Variants in IQSEC1 observed in about 807,000 individuals in gnomAD.
The protein encoded by IQSEC1 is IQ motif and Sec7 domain ArfGEF 1.
A neutral mutation model predicts 91.0 loss-of-function variants in IQSEC1; 31 were observed. The ratio of observed to expected loss-of-function variants is 0.34; its 90% CI spans 0.26 to 0.46. IQSEC1 has a LOEUF of 0.46. Ranked by LOEUF, IQSEC1 falls within the 20% of genes least tolerant of loss-of-function variation. IQSEC1 has a pLI of 1.00. For synonymous variants in IQSEC1, 699 were observed against 662.6 expected (o/e 1.05, Z -0.84); for missense variants, 1,388 against 1,575.6 (o/e 0.88, Z 2.02).
intron 1 of IQSEC1, among the ~76,000 whole-genome samples, chr3:13,247,898 A>G (rs1695134330): frequency 1.3e-5 from 2 of 152,274 alleles, no homozygotes; most frequent in South Asian, 4.1e-4. Context: ...AGACGCACTT[A>G]CTGGGCCTGT....
intron 2 of IQSEC1, among the ~76,000 whole-genome samples, chr3:13,109,922 G>T (rs112431052): frequency 7.2e-6 from 1 of 139,058 alleles, no homozygotes; most frequent in Non-Finnish European, 1.5e-5. Context: ...TCTAGCTGTC[G>T]CTCAGGCTTG....
At chr3:12,973,643 C>A (rs762701800) in intron 1 of IQSEC1, among the ~76,000 whole-genome samples, 1 of 152,186 alleles carries the variant, frequency 6.6e-6, no homozygotes, top group Admixed American at 6.5e-5. Flanking sequence ...CAGCCTTACC[C>A]CATTTACCCT....
At chr3:13,004,706 G>T (rs1702561209) in intron 1 of IQSEC1, among the ~76,000 whole-genome samples, 1 of 152,192 alleles carries the variant, frequency 6.6e-6, no homozygotes, top group Admixed American at 6.5e-5. Context: ...TAGGTGGGAG[G>T]GAGGGTGGCT....
rs372582821 is a variant in IQSEC1 at position 13,209,331 on chromosome 3, C to T, written c.273-45198G>A. Among the ~76,000 whole-genome samples the T allele has an allele frequency of 1.1e-4, 16 of 152,350 alleles. No homozygotes were observed. In the South Asian group the frequency reaches 1.7e-3, roughly 16 times the overall value. On this transcript the variant is annotated intron_variant, in intron 1 of 15. Coordinates refer to the IQSEC1 transcript ENST00000648114. ...CATCTCTCTCCCTCCCTCTCCAATACGGTAAATTAGCATAGATTAAATGTG... is the reference window on the plus strand; with the variant it reads ...CATCTCTCTCCCTCCCTCTCCAATATGGTAAATTAGCATAGATTAAATGTG...
Position 13,128,876 on chromosome 3 carries a change from CAAA to C in IQSEC1, c.302+35225_302+35227del, listed in dbSNP as rs34011478. Among the ~76,000 whole-genome samples, 14 of 87,466 alleles carry C rather than the reference CAAA, an allele frequency of 1.6e-4. 1 individual carries two copies. The highest frequency in any genetic ancestry group is 1.2e-3 in the Admixed American group (9 of 7,770). The allele number at this position is 87,466 out of a possible 152,430, so 57.4% of individuals were successfully genotyped here. On this transcript the variant is annotated intron_variant, in intron 2 of 15. Transcript: ENST00000648114. The stretch of plus-strand genomic sequence containing the variant: ...CGGGTGACAGAGCAAGACTCTGTCT[CAAA>C]AAAAAAAAAAAAAAAAAAGAAATGT...
At chr3:13,090,415 G>T (rs1705839692) in intron 2 of IQSEC1, among the ~76,000 whole-genome samples, 2 of 152,194 alleles carry the variant, frequency 1.3e-5, no homozygotes, top group Non-Finnish European at 2.9e-5. Context: ...TGAGTGAGTG[G>T]ATGTATGAAT....
intron 2 of IQSEC1, among the ~76,000 whole-genome samples, chr3:13,082,340 C>G (rs1293485704): frequency 6.6e-6 from 1 of 152,232 alleles, no homozygotes; most frequent in Non-Finnish European, 1.5e-5. Flanking sequence ...CTCTTTTTAT[C>G]CCCGACAAAG....
rs931887491 is a variant in IQSEC1 at position 12,924,825 on chromosome 3, G to A, written c.1569-83C>T. ...TGGAGGGGATCTCCGCTCAGTGGAC[G>A]GTCGACATTCTCCCTCCCTGCCCAC... On this transcript the variant is annotated intron_variant, in intron 3 of 13. Coordinates refer to ENST00000613206, the MANE Select transcript of IQSEC1 (RefSeq NM_001134382.3). This position sits in a 1 kb window ranked among gnomAD's most constrained non-coding sequence, Gnocchi z 6.3. 16 of 1,329,726 alleles carry A rather than the reference G, an allele frequency of 1.2e-5. No individual in the cohort carries two copies. The highest frequency in any genetic ancestry group is 5.8e-5 in the South Asian group (4 of 68,608). 82.4% of individuals were successfully genotyped at this position (1,329,726 alleles called of 1,614,324 possible). A position where few individuals can be genotyped will look rare whatever the true frequency, so the allele number is the denominator to read the frequency against.
At chr3:13,127,256 T>TA (rs1489620615) in intron 2 of IQSEC1, among the ~76,000 whole-genome samples, 6 of 151,834 alleles carry the variant, frequency 4.0e-5, no homozygotes, top group Non-Finnish European at 7.4e-5. Flanking sequence ...CTACTAAAAA[T>TA]AAAAAAAATT....
rs954931768 is a variant in IQSEC1, at chr3:13,103,698, G to T, written c.303-56176C>A. On this transcript the variant is annotated intron_variant, in intron 2 of 15. Coordinates refer to the IQSEC1 transcript ENST00000648114. This position sits in a 1 kb window ranked among gnomAD's most constrained non-coding sequence, Gnocchi z 4.1. ...CGGGGCTGGCAGCTGTGATTTCAGAGCAGGGGAAGGTTGGAGGCCTGACCC... is the reference window on the plus strand; with the variant it reads ...CGGGGCTGGCAGCTGTGATTTCAGATCAGGGGAAGGTTGGAGGCCTGACCC... Among the ~76,000 whole-genome samples the T allele has an allele frequency of 3.3e-5, 5 of 152,126 alleles. No homozygotes were observed. The highest frequency in any genetic ancestry group is 6.5e-5 in the Admixed American group (1 of 15,282).
At chr3:13,236,479 A>G (rs1472428781) in intron 1 of IQSEC1, among the ~76,000 whole-genome samples, 1 of 152,138 alleles carries the variant, frequency 6.6e-6, no homozygotes, top group Non-Finnish European at 1.5e-5. Context: ...GTGGTTCCAG[A>G]TGGTCCTAAG....
chr3:12,943,940 C>T (rs1186132722), intron 1 of IQSEC1, among the ~76,000 whole-genome samples: 4 of 152,330 alleles, frequency 2.6e-5, no homozygotes, highest in African/African-American at 9.6e-5. Context: ...CCTCCGGGGT[C>T]AGGCAGGGGA....
chr3:13,018,043 G>T (rs887209763), intron 1 of IQSEC1, among the ~76,000 whole-genome samples: 1 of 152,232 alleles, frequency 6.6e-6, no homozygotes, highest in Non-Finnish European at 1.5e-5. Context: ...GGGAGCAGAT[G>T]GGTTGTGAGG....
At chr3:12,975,616 G>T (rs556140952) in intron 1 of IQSEC1, among the ~76,000 whole-genome samples, 10 of 152,284 alleles carry the variant, frequency 6.6e-5, no homozygotes, top group African/African-American at 2.4e-4. Context: ...AAGCTCCACA[G>T]TCCCTCTTTC....
chr3:12,948,192 G>T (rs1296416138), intron 1 of IQSEC1, among the ~76,000 whole-genome samples: 2 of 152,254 alleles, frequency 1.3e-5, no homozygotes, highest in African/African-American at 4.8e-5. Flanking sequence ...ATACAGTGAG[G>T]TCCTTAAGAA....
At chr3:13,228,170 G>C (rs920816456) in intron 1 of IQSEC1, among the ~76,000 whole-genome samples, 1 of 152,108 alleles carries the variant, frequency 6.6e-6, no homozygotes. Flanking sequence ...GAGTGCCCAG[G>C]TGCCATCACC....
intron 1 of IQSEC1, among the ~76,000 whole-genome samples, chr3:12,993,351 C>A (rs1372917156): frequency 1.3e-5 from 2 of 152,150 alleles, no homozygotes; most frequent in African/African-American, 4.8e-5. Flanking sequence ...CCTCCCAAGG[C>A]GCGTCCGTGT....
At chr3:13,197,310 C>G (rs886790633) in intron 1 of IQSEC1, among the ~76,000 whole-genome samples, 2 of 152,232 alleles carry the variant, frequency 1.3e-5, no homozygotes, top group African/African-American at 4.8e-5. Flanking sequence ...AAAGAGGCAT[C>G]TTCATAAACG....
chr3:13,209,040 C>T (rs766362594), intron 1 of IQSEC1, among the ~76,000 whole-genome samples: 2 of 152,204 alleles, frequency 1.3e-5, no homozygotes, highest in Non-Finnish European at 2.9e-5. Context: ...CTCAGACCAC[C>T]GACTGTCCTG....
Sources: gnomAD v4.1 joint callset for allele counts (sites outside exome capture counted in the v4.1 genomes callset) on GRCh38, gnomAD v4.1.1 for gene constraint, Gnocchi (gnomAD v3.1) non-coding constraint, MANE v1.5 for transcripts, NCBI Gene and HGNC (gene_info 2026-07-23, HGNC 2026-07-21) for gene names.